The following TF variants were observed in gnomAD, a reference collection of about 807,000 sequenced individuals.
TF encodes the protein transferrin, also known as serotransferrin.
A neutral mutation model predicts 82.4 loss-of-function variants in TF; 55 were observed. The observed-to-expected ratio is 0.67, with a 90% CI of 0.54 to 0.84. The LOEUF (loss-of-function observed/expected upper bound fraction) is 0.84, where lower values mean the gene tolerates loss of function less well. TF is among the 40% of genes least tolerant of loss of function. The pLI, the probability that TF is intolerant of heterozygous loss-of-function variation, is 0.00. For missense variants in TF, 737 were observed against 868.4 expected (o/e 0.85, Z 1.90); for synonymous variants, 332 against 332.6 (o/e 1.00, Z 0.02).
the TF span, among the ~76,000 whole-genome samples, chr3:133,665,785 A>C: frequency 6.6e-6 from 1 of 152,024 alleles, no homozygotes; most frequent in Non-Finnish European, 1.5e-5. Context: ...CTCTACTAAA[A>C]ATAAAAAAAA....
chr3:133,663,351 AT>A, the TF span, among the ~76,000 whole-genome samples: 526 of 128,004 alleles, frequency 4.1e-3, 5 homozygotes, highest in African/African-American at 0.013. Context: ...AATATCATTA[AT>A]TTTTTTTTTT....
chr3:133,666,466 C>A, the TF span, among the ~76,000 whole-genome samples: 1 of 152,226 alleles, frequency 6.6e-6, no homozygotes. Context: ...CCACCGCACC[C>A]GGCCTTGAAT....
chr3:133,746,357 G>T (rs8177186), upstream of TF: 96,508 of 1,500,568 alleles, frequency 0.064, 4,586 homozygotes, highest in East Asian at 0.24. Context: ...CCCAGGCCGG[G>T]AATGGAATAA....
chr3:133,677,389 C>T, the TF span, among the ~76,000 whole-genome samples: 13 of 152,204 alleles, frequency 8.5e-5, no homozygotes, highest in African/African-American at 1.2e-4. Context: ...CTGCAATCCT[C>T]GCACTTTGGG....
At chr3:133,769,211 A>T (rs561528921) in intron 13 of TF, among the ~76,000 whole-genome samples, 1 of 152,364 alleles carries the variant, frequency 6.6e-6, no homozygotes, top group Non-Finnish European at 1.5e-5. Flanking sequence ...GTAATGATGT[A>T]AAAAACAAAG....
chr3:133,683,676 A>G, the TF span, among the ~76,000 whole-genome samples: 2 of 152,246 alleles, frequency 1.3e-5, no homozygotes, highest in African/African-American at 2.4e-5. Context: ...TACACACCCA[A>G]TACAGGAGCA....
At chr3:133,764,321 A>G (rs760785210) in intron 10 of TF, 46 bp downstream of exon 10, 2 of 1,483,622 alleles carry the variant, frequency 1.3e-6, no homozygotes, top group South Asian at 2.3e-5. Flanking sequence ...CCTCAGGGCC[A>G]TGGAGAGAGG....
At chr3:133,676,333 A>G in the TF span, among the ~76,000 whole-genome samples, 1 of 152,198 alleles carries the variant, frequency 6.6e-6, no homozygotes, top group South Asian at 2.1e-4. Flanking sequence ...CAGGTGAGTT[A>G]CACCGGTAAA....
In TF at chr3:133,757,570, G is replaced by A. The variant is rs41295772; in HGVS notation, c.871-199G>A. Among the ~76,000 whole-genome samples the A allele has an allele frequency of 1.3e-3, 201 of 152,358 alleles. 4 individuals carry two copies. The East Asian group carries it at 0.034, about 26-fold the overall frequency. On this transcript the variant is annotated intron_variant, in intron 7 of 16. Coordinates refer to ENST00000402696, the MANE Select transcript of TF (RefSeq NM_001063.4). ...TTCCGGGAGACAGGCACAGAAGCAG[G>A]TTCAGGCAAATCGCGGACCCACGAG...
chr3:133,700,545 C>T, the TF span, among the ~76,000 whole-genome samples: 1 of 152,198 alleles, frequency 6.6e-6, no homozygotes, highest in African/African-American at 2.4e-5. Context: ...AGGATGGAGA[C>T]CGCCACGGGT....
chr3:133,746,399 G>A lies in TF; in HGVS notation c.-42G>A, dbSNP rs1195541689. 2 of 1,579,778 alleles carry A rather than the reference G, an allele frequency of 1.3e-6. No individual in the cohort carries two copies. The highest frequency in any genetic ancestry group is 1.7e-6 in the Non-Finnish European group (2 of 1,166,548). The stretch of plus-strand genomic sequence containing the variant: ...GCGGGGCGCCGGAGGCTGCACAGAA[G>A]CGAGTCCGACTGTGCTCGCTGCTCA... On this transcript the variant is annotated 5_prime_UTR_variant, in exon 1 of 17. Coordinates refer to ENST00000402696, the MANE Select transcript of TF (RefSeq NM_001063.4).
chr3:133,728,666 T>G, the TF span, among the ~76,000 whole-genome samples: 47 of 152,362 alleles, frequency 3.1e-4, no homozygotes, highest in African/African-American at 1.1e-3. Flanking sequence ...TCAAAGTCCT[T>G]TTCCATCCAG....
chr3:133,699,517 T>C, the TF span: 1 of 1,084,128 alleles, frequency 9.2e-7, no homozygotes, highest in African/African-American at 1.6e-5. Flanking sequence ...AAGCTGGTAG[T>C]TGGATACAAG....
chr3:133,741,751 T>G (rs1439346513), upstream of TF, among the ~76,000 whole-genome samples: 1 of 152,218 alleles, frequency 6.6e-6, no homozygotes, highest in African/African-American at 2.4e-5. Context: ...ATAGCTTACA[T>G]TCCTGGAATA....
chr3:133,698,886 A>G, the TF span, among the ~76,000 whole-genome samples: 9 of 152,212 alleles, frequency 5.9e-5, no homozygotes, highest in African/African-American at 2.2e-4. Context: ...GGTTACCCTG[A>G]CTGGGCCCCT....
chr3:133,765,600 C>T (rs1466208939), intron 11 of TF, among the ~76,000 whole-genome samples: 4 of 152,192 alleles, frequency 2.6e-5, no homozygotes, highest in African/African-American at 9.7e-5. Context: ...CCAGCCTCTC[C>T]CCATCACTTG....
At chr3:133,695,524 G>A in the TF span, among the ~76,000 whole-genome samples, 3 of 152,110 alleles carry the variant, frequency 2.0e-5, no homozygotes, top group Non-Finnish European at 4.4e-5. Flanking sequence ...GGGATTACAG[G>A]CGTGAGCCAC....
chr3:133,690,225 C>G, the TF span, among the ~76,000 whole-genome samples: 1 of 151,504 alleles, frequency 6.6e-6, no homozygotes, highest in African/African-American at 2.4e-5. Context: ...TCAGCTATAA[C>G]AAAACCACAA....
the TF span, chr3:133,707,621 A>G: frequency 1.3e-5 from 2 of 152,160 alleles, no homozygotes; most frequent in African/African-American, 4.8e-5. Context: ...TTGACTCCCA[A>G]CTTCTCCAAG....
Sources: allele counts gnomAD v4.1 joint callset (sites outside exome capture counted in the v4.1 genomes callset), GRCh38; gene constraint gnomAD v4.1.1; transcripts MANE v1.5; gene names NCBI Gene and HGNC (gene_info 2026-07-23, HGNC 2026-07-21).